ZFHX4: variants seen among roughly 807,000 people sequenced by gnomAD.
The protein encoded by ZFHX4 is zinc finger homeobox protein 4.
ZFHX4 carries 56 observed loss-of-function variants against 267.6 expected under a neutral mutation model. The ratio of observed to expected loss-of-function variants is 0.21; its 90% CI spans 0.17 to 0.26. The LOEUF (loss-of-function observed/expected upper bound fraction) is 0.26. ZFHX4 is among the 10% of genes least tolerant of loss of function. The pLI is 1.00. For missense variants in ZFHX4, 4,332 were observed against 4,420.0 expected, an observed-to-expected ratio of 0.98 and a Z score of 0.56; for synonymous variants, 1,778 against 1,665.6, an observed-to-expected ratio of 1.07 and a Z score of -1.64.
At chr8:76,818,903 C>T (rs771477531) in intron 4 of ZFHX4, among the ~76,000 whole-genome samples, 19 of 151,788 alleles carry the variant, frequency 1.3e-4, no homozygotes, top group African/African-American at 4.1e-4. Flanking sequence ...GGTGACACAG[C>T]GAGACCTTGC....
chr8:76,697,310 C>T (rs965922865), intron 1 of ZFHX4, among the ~76,000 whole-genome samples: 1 of 151,844 alleles, frequency 6.6e-6, no homozygotes, highest in African/African-American at 2.4e-5. Flanking sequence ...ATTGTATGTG[C>T]ACTGGTTTTT....
chr8:76,842,876 T>C, intron 6 of ZFHX4, 105 bp downstream of exon 6: 1 of 759,106 alleles, frequency 1.3e-6, no homozygotes, highest in Non-Finnish European at 2.1e-6. Flanking sequence ...TAAAAGCTTT[T>C]ATTCATTTTA....
intron 4 of ZFHX4, among the ~76,000 whole-genome samples, chr8:76,795,543 C>CTTT (rs1204209981): frequency 1.7e-4 from 21 of 125,326 alleles, no homozygotes; most frequent in Non-Finnish European, 2.5e-4. Context: ...TGATCCAAGT[C>CTTT]TTTTTTTTTT....
chr8:76,857,354 T>TTATATATATATA (rs10576780), intron 10 of ZFHX4, among the ~76,000 whole-genome samples: 46 of 143,430 alleles, frequency 3.2e-4, no homozygotes, highest in South Asian at 4.4e-4. Flanking sequence ...TTCACTAATT[T>TTATATATATATA]TATATATATA....
At chr8:76,706,790 G>A (rs1808288731) in intron 2 of ZFHX4, 112 bp downstream of exon 2, 2 of 1,192,628 alleles carry the variant, frequency 1.7e-6, no homozygotes, top group African/African-American at 1.5e-5. Context: ...CAGCTTACTA[G>A]AAAGGACTTT....
At position 76,706,608 on chromosome 8, in the gene ZFHX4, C is replaced by G. The variant is rs979714307; in HGVS notation, c.2520C>G (p.Ala840=). The G allele has an allele frequency of 1.2e-6, 2 of 1,608,114 alleles. No individual in the cohort carries two copies. The highest frequency in any genetic ancestry group is 2.7e-5 in the African/African-American group (2 of 74,960). The change falls in exon 2 of 11, where the codon GCC becomes GCG. Residue 840 remains alanine (A), a synonymous_variant. Coordinates refer to ENST00000651372, the MANE Select transcript of ZFHX4 (RefSeq NM_024721.5). ...CCGGAATGAAGCTGGAAAACCCTGC[C>G]GACCCTCAGCTGATGATCAATCCAT... ...GLTGMKLENP[A]DPQLMINPFQ...
At chr8:76,827,200 A>T (rs546816390) in intron 4 of ZFHX4, among the ~76,000 whole-genome samples, 1 of 152,362 alleles carries the variant, frequency 6.6e-6, no homozygotes, top group South Asian at 2.1e-4. Context: ...ACCTCAGATC[A>T]TCAGGCATTA....
At chr8:76,777,864 TTTTG>T (rs1810439486) in intron 3 of ZFHX4, among the ~76,000 whole-genome samples, 1 of 151,450 alleles carries the variant, frequency 6.6e-6, no homozygotes, top group Non-Finnish European at 1.5e-5. Context: ...TTGTTTTTTT[TTTTG>T]TTTGTTTTTG....
At chr8:76,764,101 A>T (rs1809989607) in intron 3 of ZFHX4, among the ~76,000 whole-genome samples, 1 of 152,218 alleles carries the variant, frequency 6.6e-6, no homozygotes, top group African/African-American at 2.4e-5. Context: ...CATCTCCTAT[A>T]TAAAAAGAAT....
intron 3 of ZFHX4, among the ~76,000 whole-genome samples, chr8:76,739,392 C>G (rs2131679356): frequency 6.6e-6 from 1 of 152,224 alleles, no homozygotes; most frequent in East Asian, 1.9e-4. Flanking sequence ...ATATAACTAC[C>G]TCATGGTTCC....
At position 76,842,623 on chromosome 8, in the gene ZFHX4, A is replaced by C. The variant is rs10113466; in HGVS notation, c.3395-32A>C. On this transcript the variant is annotated intron_variant, in intron 5 of 10. Transcript: ENST00000651372. ...CAGTGTGAACTTTTGGGCGGTTTTC[A>C]GTTCTACTGATTGGTCTGCCTTTCT... The C allele has an allele frequency of 2.6e-3, 3,884 of 1,514,768 alleles. 100 individuals carry two copies. In the African/African-American group the frequency reaches 0.049, roughly 19 times the overall value. The allele number at this position is 1,514,768 out of a possible 1,614,324, so 93.8% of individuals were successfully genotyped here. A position where few individuals can be genotyped will look rare whatever the true frequency, so the allele number is the denominator to read the frequency against.
intron 4 of ZFHX4, among the ~76,000 whole-genome samples, chr8:76,794,721 A>T (rs986831774): frequency 1.3e-5 from 2 of 152,178 alleles, no homozygotes; most frequent in African/African-American, 4.8e-5. Flanking sequence ...TATCTACTCA[A>T]AAAAAGAATT....
intron 1 of ZFHX4, among the ~76,000 whole-genome samples, chr8:76,697,725 C>T (rs1807995054): frequency 6.6e-6 from 1 of 152,006 alleles, no homozygotes; most frequent in Admixed American, 6.6e-5. Context: ...GTGTAATTTA[C>T]ACAACCTTTC....
At chr8:76,801,721 T>C (rs545298169) in intron 4 of ZFHX4, among the ~76,000 whole-genome samples, 1 of 152,318 alleles carries the variant, frequency 6.6e-6, no homozygotes, top group South Asian at 2.1e-4. Flanking sequence ...TGTGCTCACA[T>C]TGATTGAACA....
intron 3 of ZFHX4, among the ~76,000 whole-genome samples, chr8:76,716,928 C>T (rs571569941): frequency 6.6e-6 from 1 of 152,152 alleles, no homozygotes; most frequent in African/African-American, 2.4e-5. Context: ...GCAAGTTAAG[C>T]ACCTTTGGAA....
At chr8:76,710,090 GTTGT>G (rs1808385579) in intron 3 of ZFHX4, among the ~76,000 whole-genome samples, 1 of 152,034 alleles carries the variant, frequency 6.6e-6, no homozygotes, top group Admixed American at 6.6e-5. Flanking sequence ...TTCTTCTTTA[GTTGT>G]TTATCTCTTA....
At chr8:76,772,630 C>T (rs756939580) in intron 3 of ZFHX4, among the ~76,000 whole-genome samples, 1 of 152,132 alleles carries the variant, frequency 6.6e-6, no homozygotes, top group Admixed American at 6.5e-5. Flanking sequence ...GGCAGCACGA[C>T]ATGGCCAGAG....
chr8:76,720,756 C>A (rs1808698725), intron 3 of ZFHX4, among the ~76,000 whole-genome samples: 1 of 152,148 alleles, frequency 6.6e-6, no homozygotes, highest in South Asian at 2.1e-4. Context: ...TATTTGGTGT[C>A]ATGATAATAT....
chr8:76,818,260 A>G lies in ZFHX4; in HGVS notation c.3326-15078A>G, dbSNP rs78964335. The stretch of plus-strand genomic sequence containing the variant: ...TCTTTATTTGCTTATTTATTTTGGC[A>G]TTGTCCTTAGGGTTAAGAGGAGGAA... On this transcript the variant is annotated intron_variant, in intron 4 of 10. Coordinates refer to ENST00000651372, the MANE Select transcript of ZFHX4 (RefSeq NM_024721.5). Among the ~76,000 whole-genome samples the G allele has an allele frequency of 2.6e-5, 4 of 152,202 alleles. No homozygotes were observed. In the East Asian group the frequency reaches 7.7e-4, roughly 29 times the overall value.
Sources: gnomAD v4.1 joint callset for allele counts (sites outside exome capture counted in the v4.1 genomes callset) on GRCh38, gnomAD v4.1.1 for gene constraint, MANE v1.5 for transcripts, NCBI Gene and HGNC (gene_info 2026-07-23, HGNC 2026-07-21) for gene names.